The following MACROD2 variants were observed in gnomAD, a reference collection of about 807,000 sequenced individuals.
MACROD2 encodes the protein mono-ADP ribosylhydrolase 2, also known as ADP-ribose glycohydrolase MACROD2.
A neutral mutation model predicts 70.4 loss-of-function variants in MACROD2; 36 were observed. The ratio of observed to expected loss-of-function variants is 0.51; its 90% CI spans 0.39 to 0.68. The LOEUF (loss-of-function observed/expected upper bound fraction) is 0.68, where lower values mean the gene tolerates loss of function less well. Among genes scored for constraint, MACROD2 ranks in the 30% least tolerant of loss-of-function variants. MACROD2 has a pLI of 0.00. For synonymous variants in MACROD2, 172 were observed against 178.8 expected, an observed-to-expected ratio of 0.96 and a Z score of 0.30; for missense variants, 496 against 538.4, an observed-to-expected ratio of 0.92 and a Z score of 0.78.
intron 4 of MACROD2, among the ~76,000 whole-genome samples, chr20:14,551,574 G>T (rs549070192): frequency 1.5e-4 from 23 of 152,218 alleles, no homozygotes; most frequent in African/African-American, 5.5e-4. Flanking sequence ...TTGATTGAGG[G>T]TGATCACTAC....
chr20:15,413,466 T>C (rs552438777), intron 6 of MACROD2, among the ~76,000 whole-genome samples: 14 of 152,308 alleles, frequency 9.2e-5, no homozygotes, highest in African/African-American at 2.4e-4. Context: ...GACTTCATCT[T>C]ACCAAATCAT....
intron 5 of MACROD2, among the ~76,000 whole-genome samples, chr20:15,125,848 T>C (rs532573431): frequency 1.3e-5 from 2 of 152,004 alleles, no homozygotes; most frequent in East Asian, 3.9e-4. Flanking sequence ...TCATTCCTCA[T>C]TTCTCTTCCC....
At chr20:15,757,445 T>C (rs1347463036) in intron 8 of MACROD2, among the ~76,000 whole-genome samples, 1 of 152,170 alleles carries the variant, frequency 6.6e-6, no homozygotes, top group African/African-American at 2.4e-5. Flanking sequence ...GCAATAATAC[T>C]GCCCTATATC....
intron 6 of MACROD2, among the ~76,000 whole-genome samples, chr20:15,282,880 G>T (rs1442424718): frequency 6.6e-6 from 1 of 152,150 alleles, no homozygotes; most frequent in East Asian, 1.9e-4. Context: ...CCGCTATGAA[G>T]AAATACCTAA....
At chr20:14,863,780 G>GA (rs1006624545) in intron 5 of MACROD2, among the ~76,000 whole-genome samples, 1 of 152,000 alleles carries the variant, frequency 6.6e-6, no homozygotes, top group African/African-American at 2.4e-5. Flanking sequence ...TACGATAGAT[G>GA]AAAAAACAAA....
chr20:15,850,775 G>A (rs2064288511), intron 8 of MACROD2, among the ~76,000 whole-genome samples: 1 of 152,136 alleles, frequency 6.6e-6, no homozygotes, highest in Non-Finnish European at 1.5e-5. Flanking sequence ...TGAGAGACAC[G>A]TTTCCCAATG....
chr20:14,633,503 T>C (rs1343407117), intron 4 of MACROD2, among the ~76,000 whole-genome samples: 2 of 152,198 alleles, frequency 1.3e-5, no homozygotes, highest in African/African-American at 4.8e-5. Context: ...TGGTGTTGCA[T>C]GTAAAGTTAC....
At chr20:14,720,447 A>G (rs544863697) in intron 5 of MACROD2, among the ~76,000 whole-genome samples, 2 of 148,498 alleles carry the variant, frequency 1.3e-5, no homozygotes, top group South Asian at 4.2e-4. Flanking sequence ...AACAGTTGTC[A>G]TAGTCATTTC....
At chr20:14,787,752 G>A (rs1246318373) in intron 5 of MACROD2, among the ~76,000 whole-genome samples, 1 of 152,090 alleles carries the variant, frequency 6.6e-6, no homozygotes, top group East Asian at 1.9e-4. Context: ...CAAGGGAAGA[G>A]GGAGCAGAAT....
chr20:14,732,476 A>G (rs1468678682), intron 5 of MACROD2, among the ~76,000 whole-genome samples: 1 of 151,696 alleles, frequency 6.6e-6, no homozygotes, highest in East Asian at 1.9e-4. Context: ...ATGAAGGGGG[A>G]AAAAAATCAA....
At chr20:15,507,149 G>A (rs1318133616) in intron 8 of MACROD2, among the ~76,000 whole-genome samples, 2 of 152,126 alleles carry the variant, frequency 1.3e-5, no homozygotes, top group Non-Finnish European at 2.9e-5. Flanking sequence ...TTGCAGATAC[G>A]CTGTGTCGCT....
chr20:15,298,560 C>T (rs1391610076), intron 6 of MACROD2, among the ~76,000 whole-genome samples: 28 of 152,166 alleles, frequency 1.8e-4, no homozygotes, highest in Admixed American at 1.8e-3. Flanking sequence ...TTCAAGAATT[C>T]CAGACATTGG....
At chr20:15,892,467 AGTTT>A (rs1474113210) in intron 10 of MACROD2, among the ~76,000 whole-genome samples, 1 of 152,236 alleles carries the variant, frequency 6.6e-6, no homozygotes, top group Non-Finnish European at 1.5e-5. Flanking sequence ...TACTAAAAAC[AGTTT>A]GTTAAATAGA....
At chr20:14,222,143 A>C (rs2081680613) in intron 3 of MACROD2, among the ~76,000 whole-genome samples, 1 of 152,120 alleles carries the variant, frequency 6.6e-6, no homozygotes, top group African/African-American at 2.4e-5. Flanking sequence ...GTATCTACTC[A>C]AAGGAAAATA....
chr20:15,991,076 A>G (rs1443427212), intron 15 of MACROD2, among the ~76,000 whole-genome samples: 1 of 152,108 alleles, frequency 6.6e-6, no homozygotes, highest in Non-Finnish European at 1.5e-5. Context: ...TCAGCCAAAT[A>G]TATTAGGACT....
At chr20:14,007,426 AT>A (rs2052838911) in intron 2 of MACROD2, among the ~76,000 whole-genome samples, 1 of 151,976 alleles carries the variant, frequency 6.6e-6, no homozygotes, top group South Asian at 2.1e-4. Context: ...CAACATGTAT[AT>A]TAAATGAGAA....
intron 5 of MACROD2, among the ~76,000 whole-genome samples, chr20:15,026,895 G>A (rs1051822469): frequency 6.6e-6 from 1 of 152,186 alleles, no homozygotes; most frequent in African/African-American, 2.4e-5. Context: ...TCAGAGTCAA[G>A]TGCAATGCAA....
At chr20:14,000,668 T>G (rs1238897684) in intron 1 of MACROD2, among the ~76,000 whole-genome samples, 2 of 152,204 alleles carry the variant, frequency 1.3e-5, no homozygotes, top group African/African-American at 4.8e-5. Context: ...CAGTGTCAGT[T>G]TATACATTGA....
At chr20:16,045,473 G>T (rs1306815498) in intron 17 of MACROD2, among the ~76,000 whole-genome samples, 8 of 152,066 alleles carry the variant, frequency 5.3e-5, no homozygotes, top group Non-Finnish European at 1.0e-4. Context: ...ATGTCCTAAA[G>T]AATCACCCTA....
Sources: allele counts gnomAD v4.1 joint callset (sites outside exome capture counted in the v4.1 genomes callset), GRCh38; gene constraint gnomAD v4.1.1; transcripts MANE v1.5; gene names NCBI Gene and HGNC (gene_info 2026-07-23, HGNC 2026-07-21).